PCDHGB2: variants seen among roughly 807,000 people sequenced by gnomAD.
PCDHGB2 encodes the protein protocadherin gamma-B2.
A neutral mutation model predicts 59.3 loss-of-function variants in PCDHGB2; 55 were observed. That is an observed-to-expected ratio of 0.93 (90% confidence interval 0.75 to 1.16). The LOEUF is 1.16. PCDHGB2 is among the 50% of genes most tolerant of loss of function. The pLI is 0.00. For missense variants in PCDHGB2, 1,228 were observed against 1,198.5 expected, an observed-to-expected ratio of 1.02 and a Z score of -0.36; for synonymous variants, 516 against 512.0, an observed-to-expected ratio of 1.01 and a Z score of -0.11.
chr5:141,483,444 T>C (rs956913442), intron 1 of PCDHGB2, among the ~76,000 whole-genome samples: 1 of 152,108 alleles, frequency 6.6e-6, no homozygotes, highest in African/African-American at 2.4e-5. Context: ...TACAATAAAA[T>C]CATCAGGACT....
chr5:141,495,644 A>C (rs767670166), intron 2 of PCDHGB2, among the ~76,000 whole-genome samples: 1 of 151,770 alleles, frequency 6.6e-6, no homozygotes, highest in African/African-American at 2.4e-5. Flanking sequence ...TCATTTGTCT[A>C]CTTGCATTGA....
At chr5:141,415,157 C>T in intron 1 of PCDHGB2, 1 of 1,613,864 alleles carries the variant, frequency 6.2e-7, no homozygotes, top group Non-Finnish European at 8.5e-7. Flanking sequence ...CTCTCCGCCA[C>T]TGTCACGCTC....
At chr5:141,387,036 C>G (rs1026680473) in intron 1 of PCDHGB2, among the ~76,000 whole-genome samples, 1 of 152,116 alleles carries the variant, frequency 6.6e-6, no homozygotes, top group Non-Finnish European at 1.5e-5. Flanking sequence ...ATTTCATAAC[C>G]AGTAAAATAA....
intron 1 of PCDHGB2, among the ~76,000 whole-genome samples, chr5:141,436,839 A>G (rs1247924864): frequency 6.6e-6 from 1 of 152,260 alleles, no homozygotes; most frequent in African/African-American, 2.4e-5. Flanking sequence ...GTGCCTAGGC[A>G]CATTCTTGAT....
intron 1 of PCDHGB2, among the ~76,000 whole-genome samples, chr5:141,454,626 G>A (rs1206050863): frequency 6.6e-6 from 1 of 151,304 alleles, no homozygotes; most frequent in African/African-American, 2.4e-5. Flanking sequence ...GGCTGGTCTC[G>A]AACCCCCAAC....
chr5:141,448,511 A>C (rs2098593334), intron 1 of PCDHGB2, among the ~76,000 whole-genome samples: 1 of 152,076 alleles, frequency 6.6e-6, no homozygotes, highest in Admixed American at 6.6e-5. Context: ...ACATTTTATA[A>C]CTTTATTAAG....
At chr5:141,370,823 C>T (rs764531085) in intron 1 of PCDHGB2, 167 of 1,613,906 alleles carry the variant, frequency 1.0e-4, no homozygotes, top group Non-Finnish European at 1.2e-4. Flanking sequence ...TGGAAATCAG[C>T]GAACTGGCTC....
intron 1 of PCDHGB2, chr5:141,371,338 A>G (rs767000210): frequency 6.2e-7 from 1 of 1,613,990 alleles, no homozygotes; most frequent in Non-Finnish European, 8.5e-7. Context: ...AGAGATAGCT[A>G]CACAATTGGG....
At chr5:141,424,717 T>G (rs914445969) in intron 1 of PCDHGB2, 1 of 152,202 alleles carries the variant, frequency 6.6e-6, no homozygotes, top group Non-Finnish European at 1.5e-5. Context: ...TCAGTGTAGT[T>G]GGGAGTCATA....
In PCDHGB2 at chr5:141,489,185, T is replaced by G; in HGVS notation, c.2422-5622T>G. The G allele has an allele frequency of 7.8e-7, 1 of 1,286,838 alleles. No individual in the cohort carries two copies. The highest frequency in any genetic ancestry group is 1.5e-5 in the African/African-American group (1 of 67,216). 79.7% of individuals were successfully genotyped at this position (1,286,838 alleles called of 1,614,324 possible). On this transcript the variant is annotated intron_variant, in intron 1 of 3. Transcript: ENST00000522605. The surrounding 1 kb of genome is among the most constrained non-coding windows in gnomAD (Gnocchi z 4.5). The stretch of plus-strand genomic sequence containing the variant: ...CAGCTGCTGCATTCCAAGCCCTGGG[T>G]CTACCTTGGAGACAGGACAGCACAG...
chr5:141,388,395 C>T (rs1445370262), intron 1 of PCDHGB2: 10 of 1,613,928 alleles, frequency 6.2e-6, no homozygotes, highest in Middle Eastern at 1.6e-4. Flanking sequence ...GCAGAATTAC[C>T]AACTCAGTCC....
intron 1 of PCDHGB2, chr5:141,415,814 T>G: frequency 7.5e-7 from 1 of 1,330,430 alleles, no homozygotes; most frequent in South Asian, 1.8e-5. Flanking sequence ...AAGGCCTATA[T>G]ATCATAAGGC....
At chr5:141,363,379 C>A (rs1307395105) in intron 1 of PCDHGB2, among the ~76,000 whole-genome samples, 1 of 151,982 alleles carries the variant, frequency 6.6e-6, no homozygotes, top group Non-Finnish European at 1.5e-5. Flanking sequence ...AGAGGTTTTT[C>A]TATTTCTGTT....
In PCDHGB2 at chr5:141,490,795, C is replaced by A; in HGVS notation, c.2422-4012C>A. The A allele has an allele frequency of 1.3e-5, 21 of 1,614,036 alleles. No homozygotes were observed. Among genetic ancestry groups the A allele is most frequent in the Non-Finnish European group, 1.8e-5 (21 of 1,179,922 alleles). On this transcript the variant is annotated intron_variant, in intron 1 of 3. Coordinates refer to ENST00000522605, the MANE Select transcript of PCDHGB2 (RefSeq NM_018923.3). This position sits in a 1 kb window ranked among gnomAD's most constrained non-coding sequence, Gnocchi z 5.4. ...CCCAGAGGATGGACGGATCTTTGCC[C>A]AGCGTACCTTTGACTATGAATTGCT...
At chr5:141,427,700 C>A in intron 1 of PCDHGB2, 3 of 945,490 alleles carry the variant, frequency 3.2e-6, no homozygotes, top group South Asian at 2.7e-5. Flanking sequence ...TCCCACAAGT[C>A]AGCGCCTCTG....
At position 141,505,406 on chromosome 5, in the gene PCDHGB2, G is replaced by A. The variant is rs546453598; in HGVS notation, c.2494G>A (p.Asp832Asn). 61 of 1,614,174 alleles carry A rather than the reference G, an allele frequency of 3.8e-5. No individual in the cohort carries two copies. The highest frequency in any genetic ancestry group is 1.1e-4 in the East Asian group (5 of 44,866). ...RPGTSGSQNG[D>N]DTGTWPNNQF... Reference sequence around the variant, plus strand: ...CTCTCTCCCCAGCTCCCAAAATGGCGATGACACCGGCACCTGGCCCAACAA... The same window carrying A: ...CTCTCTCCCCAGCTCCCAAAATGGCAATGACACCGGCACCTGGCCCAACAA... Residue 832 changes from aspartate to asparagine, a missense_variant, in exon 3 of 4, where the codon GAT (aspartate) becomes AAT (asparagine). Transcript: ENST00000522605.
chr5:141,374,042 C>T (rs757758510), intron 1 of PCDHGB2: 1 of 1,460,408 alleles, frequency 6.8e-7, no homozygotes, highest in Admixed American at 2.7e-5. Context: ...CAGATCTGTT[C>T]TTCCTCTTCT....
chr5:141,404,641 G>C, intron 1 of PCDHGB2: 2 of 1,614,178 alleles, frequency 1.2e-6, no homozygotes, highest in Non-Finnish European at 1.7e-6. Context: ...CAGAAATCCT[G>C]TACCCTGCCC....
At chr5:141,363,105 T>C (rs542430438) in intron 1 of PCDHGB2, among the ~76,000 whole-genome samples, 1 of 152,370 alleles carries the variant, frequency 6.6e-6, no homozygotes, top group African/African-American at 2.4e-5. Context: ...CAGGCAATGT[T>C]TGAGGTCTGA....
Sources: allele counts gnomAD v4.1 joint callset (sites outside exome capture counted in the v4.1 genomes callset), GRCh38; gene constraint gnomAD v4.1.1; non-coding constraint Gnocchi (gnomAD v3.1); transcripts MANE v1.5; gene names NCBI Gene and HGNC (gene_info 2026-07-23, HGNC 2026-07-21).